RAB8B: variants seen among roughly 807,000 people sequenced by gnomAD.
The protein encoded by RAB8B is RAB8B, member RAS oncogene family, also known as ras-related protein Rab-8B.
In RAB8B, 11 loss-of-function variants were observed where a neutral mutation model predicts 32.0. The observed-to-expected ratio is 0.34, with a 90% confidence interval of 0.22 to 0.57. RAB8B has a LOEUF of 0.57. RAB8B is among the 20% of genes least tolerant of loss of function. The pLI is 0.86. For missense variants in RAB8B, 190 were observed against 258.5 expected (o/e 0.73, Z 1.82); for synonymous variants, 103 against 89.6 (o/e 1.15, Z -0.85).
intron 1 of RAB8B, among the ~76,000 whole-genome samples, chr15:63,223,642 C>T (rs2037864140): frequency 6.6e-6 from 1 of 152,212 alleles, no homozygotes; most frequent in African/African-American, 2.4e-5. Context: ...ATGCATTTTC[C>T]AGAACGTCTG....
chr15:63,195,994 G>A (rs2037596856), intron 1 of RAB8B, among the ~76,000 whole-genome samples: 2 of 152,326 alleles, frequency 1.3e-5, no homozygotes, highest in African/African-American at 4.8e-5. Context: ...CCCAGAATGG[G>A]AAGCAGCAGG....
At chr15:63,243,518 G>C (rs76318935) in intron 1 of RAB8B, among the ~76,000 whole-genome samples, 2 of 152,134 alleles carry the variant, frequency 1.3e-5, no homozygotes, top group Non-Finnish European at 2.9e-5. Context: ...CTACCATAGT[G>C]GGGGGAAATA....
intron 1 of RAB8B, among the ~76,000 whole-genome samples, chr15:63,221,338 G>C (rs1329459733): frequency 1.3e-5 from 2 of 152,196 alleles, no homozygotes; most frequent in African/African-American, 4.8e-5. Context: ...TTTGGGAGAA[G>C]GGAGGGATTA....
intron 1 of RAB8B, among the ~76,000 whole-genome samples, chr15:63,204,923 C>T (rs373605439): frequency 9.9e-5 from 15 of 152,042 alleles, no homozygotes; most frequent in East Asian, 5.8e-4. Flanking sequence ...TTTGGGAGGC[C>T]GAGGCAGGAG....
intron 1 of RAB8B, among the ~76,000 whole-genome samples, chr15:63,222,721 A>C (rs1255194143): frequency 6.6e-6 from 1 of 152,002 alleles, no homozygotes; most frequent in Admixed American, 6.6e-5. Flanking sequence ...TTGTATTTTT[A>C]GTAGAGATGG....
intron 1 of RAB8B, 78 bp from the exon 2 acceptor site, chr15:63,244,678 T>G: frequency 8.5e-7 from 1 of 1,179,946 alleles, no homozygotes; most frequent in Non-Finnish European, 1.2e-6. Context: ...TTTTTTTCAA[T>G]AGAAATCTTT....
intron 1 of RAB8B, among the ~76,000 whole-genome samples, chr15:63,224,329 A>C (rs1179483596): frequency 1.3e-5 from 2 of 152,184 alleles, no homozygotes; most frequent in Non-Finnish European, 2.9e-5. Flanking sequence ...GGCCAAGTAC[A>C]TTTGACCACT....
chr15:63,249,753 T>C (rs1445631293), intron 3 of RAB8B, 48 bp downstream of exon 3: 4 of 1,553,334 alleles, frequency 2.6e-6, no homozygotes, highest in South Asian at 1.1e-5. Context: ...AAGTAAAGCA[T>C]GAATGTTTGT....
chr15:63,241,388 G>T (rs1430297840), intron 1 of RAB8B, among the ~76,000 whole-genome samples: 16 of 152,100 alleles, frequency 1.1e-4, no homozygotes. Context: ...GTAAAATGTT[G>T]GACATTGGCC....
chr15:63,246,438 G>T (rs1488745219), intron 2 of RAB8B, among the ~76,000 whole-genome samples: 1 of 152,024 alleles, frequency 6.6e-6, no homozygotes, highest in African/African-American at 2.4e-5. Flanking sequence ...GCAGCTCACA[G>T]AACTCAGGGA....
chr15:63,256,816 C>T (rs1004529981), intron 5 of RAB8B, among the ~76,000 whole-genome samples: 1 of 152,168 alleles, frequency 6.6e-6, no homozygotes, highest in Non-Finnish European at 1.5e-5. Flanking sequence ...AAAGAATTTG[C>T]TAATGTTTTC....
At chr15:63,257,700 A>G (rs1199085821) in intron 5 of RAB8B, among the ~76,000 whole-genome samples, 3 of 152,188 alleles carry the variant, frequency 2.0e-5, no homozygotes, top group African/African-American at 4.8e-5. Context: ...ATTTGTCTCA[A>G]TCAATAGAAA....
At chr15:63,232,334 C>A (rs1458392512) in intron 1 of RAB8B, among the ~76,000 whole-genome samples, 1 of 152,074 alleles carries the variant, frequency 6.6e-6, no homozygotes, top group African/African-American at 2.4e-5. Flanking sequence ...CAAATAGAGA[C>A]ATTGTTTAAA....
intron 3 of RAB8B, among the ~76,000 whole-genome samples, chr15:63,253,686 A>G (rs1402688358): frequency 6.6e-6 from 1 of 152,166 alleles, no homozygotes; most frequent in South Asian, 2.1e-4. Flanking sequence ...AAAAAGAATG[A>G]AATTAATCAG....
intron 7 of RAB8B, 144 bp from the exon 8 acceptor site, chr15:63,263,383 G>A (rs770982042): frequency 1.8e-4 from 113 of 616,458 alleles, no homozygotes; most frequent in Middle Eastern, 5.8e-4. Context: ...ACTAGTTCCC[G>A]TTCTAATAAA....
intron 1 of RAB8B, among the ~76,000 whole-genome samples, chr15:63,223,618 G>A (rs1366172673): frequency 2.0e-5 from 3 of 152,074 alleles, no homozygotes; most frequent in South Asian, 4.1e-4. Context: ...GCACAAAGAC[G>A]AAACCACCTA....
At chr15:63,235,794 A>G (rs984922565) in intron 1 of RAB8B, among the ~76,000 whole-genome samples, 5 of 151,928 alleles carry the variant, frequency 3.3e-5, no homozygotes, top group African/African-American at 4.8e-5. Flanking sequence ...TTCACTTACC[A>G]TCATCTTTTT....
intron 1 of RAB8B, among the ~76,000 whole-genome samples, chr15:63,213,527 C>G (rs2037764612): frequency 6.6e-6 from 1 of 152,040 alleles, no homozygotes; most frequent in Non-Finnish European, 1.5e-5. Context: ...GCATTTATGA[C>G]TATAGATGAT....
At chr15:63,204,179 A>C (rs1344442760) in intron 1 of RAB8B, among the ~76,000 whole-genome samples, 1 of 152,092 alleles carries the variant, frequency 6.6e-6, no homozygotes, top group Non-Finnish European at 1.5e-5. Flanking sequence ...TACTTAAAGG[A>C]ATGTATGTCT....
Sources: allele counts gnomAD v4.1 joint callset (sites outside exome capture counted in the v4.1 genomes callset), GRCh38; gene constraint gnomAD v4.1.1; transcripts MANE v1.5; gene names NCBI Gene and HGNC (gene_info 2026-07-23, HGNC 2026-07-21).